SGO1: variants seen among roughly 807,000 people sequenced by gnomAD.
SGO1 encodes the protein shugoshin 1.
SGO1 carries 39 observed loss-of-function variants against 50.5 expected under a neutral mutation model. That is an observed-to-expected ratio of 0.77 (90% CI 0.60 to 1.01). The LOEUF is 1.01. SGO1 is among the 50% of genes least tolerant of loss of function. The pLI is 0.00. For missense variants in SGO1, 638 were observed against 606.0 expected, an observed-to-expected ratio of 1.05 and a Z score of -0.55; for synonymous variants, 191 against 205.1, an observed-to-expected ratio of 0.93 and a Z score of 0.59.
chr3:20,174,649 C>G lies in SGO1; in HGVS notation c.882G>C (p.Glu294Asp). 6.2e-7 allele frequency: 1 copy of G among 1,602,502 alleles called. No homozygotes were observed. The highest frequency in any genetic ancestry group is 8.5e-7 in the Non-Finnish European group (1 of 1,175,516). The change falls in exon 6 of 8, where the codon GAG (glutamate) becomes GAC (aspartate). Residue 294 changes from glutamate to aspartate, a missense_variant. Glu to Asp is a conservative substitution (Grantham distance 45, BLOSUM62 2). Coordinates refer to ENST00000412997, the MANE Select transcript of SGO1 (RefSeq NM_001199251.3). ...QRDTQERKRE[E>D]KRKANRRKSK... ...ATTTTCTCCTGTTAGCTTTTCTTTT[C>G]TCTTCTCTTTTTCTTTCTTGTGTAT...
At chr3:20,172,264 G>A (rs1451804005) in intron 6 of SGO1, among the ~76,000 whole-genome samples, 2 of 152,190 alleles carry the variant, frequency 1.3e-5, no homozygotes, top group African/African-American at 2.4e-5. Context: ...CACTTAGGGA[G>A]GCCGAGGTGG....
intron 7 of SGO1, 89 bp downstream of exon 7, chr3:20,170,954 G>GA: frequency 2.7e-6 from 4 of 1,466,656 alleles, no homozygotes; most frequent in African/African-American, 2.9e-5. Flanking sequence ...TTATATTTCA[G>GA]AAAAAACTCA....
chr3:20,175,392 T>A (rs1185925561), intron 5 of SGO1, among the ~76,000 whole-genome samples: 2 of 152,144 alleles, frequency 1.3e-5, no homozygotes, highest in African/African-American at 2.4e-5. Context: ...ATTTTCAAAT[T>A]AGGGATGATG....
intron 3 of SGO1, among the ~76,000 whole-genome samples, chr3:20,182,815 G>A (rs541801756): frequency 1.3e-5 from 2 of 152,144 alleles, no homozygotes; most frequent in Non-Finnish European, 2.9e-5. Flanking sequence ...TCAGGAGATC[G>A]AGACCATCCT....
At chr3:20,173,435 C>T (rs1210489820) in intron 6 of SGO1, among the ~76,000 whole-genome samples, 3 of 152,050 alleles carry the variant, frequency 2.0e-5, no homozygotes, top group African/African-American at 7.2e-5. Context: ...CCAACCCGCC[C>T]GGCTTACAGC....
At chr3:20,161,045 G>A (rs2125211509) in exon 9 of SGO1, 1 of 1,607,938 alleles carries the variant, frequency 6.2e-7, no homozygotes, top group South Asian at 1.1e-5. Flanking sequence ...TTAAAGGTCT[G>A]CATACATTAG....
chr3:20,176,648 A>G lies in SGO1; in HGVS notation c.428T>C (p.Leu143Pro), dbSNP rs1362341143. 1 of 1,572,702 alleles carries G rather than the reference A, an allele frequency of 6.4e-7. No homozygotes were observed. The highest frequency in any genetic ancestry group is 8.6e-7 in the Non-Finnish European group (1 of 1,164,674). The stretch of plus-strand genomic sequence containing the variant: ...TTGTCCTGGAAGTTCAGTTTCTTCA[A>G]GAGGAATTTGCCTTAGAAAATACCA... ...LFVKDLPQIP[L>P]EETELPGQGE... The change falls in exon 5 of 8, where the codon CTT (leucine) becomes CCT (proline). Residue 143 changes from leucine to proline, a missense_variant. By Grantham distance (98) the Leu-to-Pro change is moderately conservative. Coordinates refer to ENST00000412997, the MANE Select transcript of SGO1 (RefSeq NM_001199251.3).
chr3:20,165,284 C>T (rs1700237204), downstream of SGO1, among the ~76,000 whole-genome samples: 1 of 152,118 alleles, frequency 6.6e-6, no homozygotes, highest in Non-Finnish European at 1.5e-5. Context: ...TTACTTATCC[C>T]CTCCTCCCAG....
chr3:20,174,604 A>G lies in SGO1; in HGVS notation c.927T>C (p.Tyr309=), dbSNP rs1701158948. The change falls in exon 6 of 8, where the codon TAT becomes TAC. Residue 309 remains tyrosine, a synonymous_variant. Transcript: ENST00000412997. ...TTTTATTTTCGCTTTTATTCTCTTT[A>G]TATTTTGACATACGTTTTGATTTTC... ...NRRKSKRMSK[Y]KENKSENKKT... 1.2e-6 allele frequency: 2 copies of G among 1,600,270 alleles called. No individual in the cohort carries two copies. The highest frequency in any genetic ancestry group is 1.7e-6 in the Non-Finnish European group (2 of 1,174,784).
At chr3:20,171,344 T>C (rs1700723725) in intron 6 of SGO1, 112 bp from the exon 7 acceptor site, 3 of 919,466 alleles carry the variant, frequency 3.3e-6, no homozygotes, top group Non-Finnish European at 4.6e-6. Context: ...CATTTAATAA[T>C]AGAATTTTTT....
chr3:20,180,988 G>A (rs889602948), intron 3 of SGO1, among the ~76,000 whole-genome samples: 3 of 152,132 alleles, frequency 2.0e-5, no homozygotes, highest in Non-Finnish European at 4.4e-5. Context: ...TTAGACAGGT[G>A]TGGCAGTGCA....
chr3:20,171,066 G>A lies in SGO1; in HGVS notation c.1449C>T (p.Asn483=), dbSNP rs1045757715. 2.5e-6 allele frequency: 4 copies of A among 1,598,080 alleles called. No homozygotes were observed. Among genetic ancestry groups the A allele is most frequent in the Non-Finnish European group, 3.4e-6 (4 of 1,176,006 alleles). The change falls in exon 7 of 8, where the codon AAC becomes AAT. Residue 483 remains asparagine (N), a synonymous_variant. Coordinates refer to ENST00000412997, the MANE Select transcript of SGO1 (RefSeq NM_001199251.3). The part of the protein sequence containing the change: ...LPKRRCTASV[N]YKEPTLASKL... ...ACGAAGCGAGGGTGGGCTCCTTATAGTTCACGCTGGCTGTGCACCTACGTT... is the reference window on the plus strand; with the variant it reads ...ACGAAGCGAGGGTGGGCTCCTTATAATTCACGCTGGCTGTGCACCTACGTT...
intron 3 of SGO1, among the ~76,000 whole-genome samples, chr3:20,180,094 C>G (rs79891266): frequency 0.053 from 8,134 of 152,070 alleles, 217 homozygotes; most frequent in Non-Finnish European, 0.058. Context: ...CCCAGGAGGT[C>G]AAGACCAACC....
Position 20,174,686 on chromosome 3 carries a change from C to T in SGO1, c.845G>A (p.Ser282Asn). Reference sequence around the variant, plus strand: ...TCTTTCTTGTGTATCTCTTTGCTTACTTTTAGTTTGTTCAGATTTAGATTC... The same window carrying T: ...TCTTTCTTGTGTATCTCTTTGCTTATTTTTAGTTTGTTCAGATTTAGATTC... ...ILESKSEQTK[S>N]KQRDTQERKR... Residue 282 changes from serine to asparagine, a missense_variant, in exon 6 of 8, where the codon AGT (serine) becomes AAT (asparagine). Physicochemically the swap from Ser to Asn is conservative, Grantham distance 46. Transcript: ENST00000412997. 6.2e-7 allele frequency: 1 copy of T among 1,612,670 alleles called. No homozygotes were observed. The highest frequency in any genetic ancestry group is 1.3e-5 in the African/African-American group (1 of 74,884).
In SGO1 at chr3:20,170,641, G is replaced by C; in HGVS notation, c.*63C>G. On this transcript the variant is annotated 3_prime_UTR_variant, in exon 8 of 8. Coordinates refer to ENST00000412997, the MANE Select transcript of SGO1 (RefSeq NM_001199251.3). ...CTCACTCTGTTTGTGTACTCTTACA[G>C]ATCCTCTCCTGAAGCAACAGAAAGA... The C allele has an allele frequency of 1.4e-6, 2 of 1,472,826 alleles. No homozygotes were observed. Among genetic ancestry groups the C allele is most frequent in the Middle Eastern group, 2.5e-4 (1 of 4,060 alleles). 91.2% of individuals were successfully genotyped at this position (1,472,826 alleles called of 1,614,324 possible).
chr3:20,184,541 C>T (rs1277896104), intron 1 of SGO1, among the ~76,000 whole-genome samples: 3 of 152,114 alleles, frequency 2.0e-5, no homozygotes, highest in Non-Finnish European at 4.4e-5. Flanking sequence ...ACTCTTTAAA[C>T]GCAATTATCA....
intron 3 of SGO1, among the ~76,000 whole-genome samples, chr3:20,181,047 A>G (rs1387592230): frequency 2.0e-5 from 3 of 152,084 alleles, no homozygotes; most frequent in Non-Finnish European, 4.4e-5. Flanking sequence ...AGATTGCCTG[A>G]GCCTGGGAGG....
chr3:20,165,582 C>T (rs143170864), downstream of SGO1, among the ~76,000 whole-genome samples: 64 of 152,142 alleles, frequency 4.2e-4, 2 homozygotes, highest in African/African-American at 1.5e-3. Flanking sequence ...CCCATGAAAA[C>T]ATAGAAAGAT....
chr3:20,164,195 A>G (rs1559342895), intron 8 of SGO1, among the ~76,000 whole-genome samples: 1 of 152,342 alleles, frequency 6.6e-6, no homozygotes, highest in East Asian at 1.9e-4. Flanking sequence ...ACAAAATATT[A>G]ACAAATAAAA....
Sources: allele counts gnomAD v4.1 joint callset (sites outside exome capture counted in the v4.1 genomes callset), GRCh38; gene constraint gnomAD v4.1.1; transcripts MANE v1.5; gene names NCBI Gene and HGNC (gene_info 2026-07-23, HGNC 2026-07-21).